The following TOMM20 variants were observed in gnomAD, a reference collection of about 807,000 sequenced individuals.
TOMM20 encodes translocase of outer mitochondrial membrane 20, also known as mitochondrial import receptor subunit TOM20 homolog.
In TOMM20, 10 loss-of-function variants were observed where a neutral mutation model predicts 22.1. The ratio of observed to expected loss-of-function variants is 0.45; its 90% CI spans 0.28 to 0.77. The LOEUF (loss-of-function observed/expected upper bound fraction) is 0.77. Among genes scored for constraint, TOMM20 ranks in the 30% least tolerant of loss-of-function variants. The probability of loss-of-function intolerance (pLI) is 0.13; values close to 1 mark genes in which losing one functional copy is unlikely to be tolerated. For missense variants in TOMM20, 121 were observed against 172.2 expected (o/e 0.70, Z 1.66); for synonymous variants, 55 against 61.4 (o/e 0.90, Z 0.49).
chr1:235,112,135 A>C (rs781452569), intron 4 of TOMM20, 27 bp from the exon 5 acceptor site: 1 of 1,554,630 alleles, frequency 6.4e-7, no homozygotes, highest in South Asian at 1.2e-5. Flanking sequence ...ATAATTTTTT[A>C]AAGTGTCATA....
intron 3 of TOMM20, among the ~76,000 whole-genome samples, chr1:235,117,486 A>C (rs905480726): frequency 4.6e-5 from 7 of 152,150 alleles, no homozygotes; most frequent in African/African-American, 1.4e-4. Flanking sequence ...AAAAAAAAAA[A>C]AAAAGGAGAA....
chr1:235,116,900 C>A (rs944608714), intron 3 of TOMM20, among the ~76,000 whole-genome samples: 1 of 151,984 alleles, frequency 6.6e-6, no homozygotes, highest in Admixed American at 6.6e-5. Context: ...CTTTGGGAGG[C>A]CAAGGCGGGC....
intron 4 of TOMM20, 114 bp from the exon 5 acceptor site, chr1:235,112,222 C>T: frequency 1.2e-6 from 1 of 817,352 alleles, no homozygotes; most frequent in South Asian, 1.8e-5. Flanking sequence ...AAAGTTCACC[C>T]ATTCTGACAT....
intron 1 of TOMM20, 50 bp from the exon 2 acceptor site, chr1:235,122,422 A>T (rs764377289): frequency 1.3e-6 from 2 of 1,535,392 alleles, no homozygotes; most frequent in African/African-American, 2.8e-5. Flanking sequence ...TAAAAATGGG[A>T]ATCAAAAGAA....
chr1:235,117,415 A>ACCACTGCACTCCAC (rs1299053041), intron 3 of TOMM20, among the ~76,000 whole-genome samples: 1 of 150,154 alleles, frequency 6.7e-6, no homozygotes, highest in Non-Finnish European at 1.5e-5. Flanking sequence ...CCGAGATCAC[A>ACCACTGCACTCCAC]CCACTGCACT....
intron 1 of TOMM20, among the ~76,000 whole-genome samples, chr1:235,123,718 A>G (rs2102812585): frequency 6.6e-6 from 1 of 152,374 alleles, no homozygotes; most frequent in South Asian, 2.1e-4. Flanking sequence ...TAATTTTTCT[A>G]AGTACCTTAC....
intron 1 of TOMM20, among the ~76,000 whole-genome samples, chr1:235,127,202 C>CATTT (rs1364463491): frequency 1.3e-5 from 2 of 152,154 alleles, no homozygotes; most frequent in Non-Finnish European, 2.9e-5. Context: ...TGACCACCAG[C>CATTT]ATTTATGGAG....
At chr1:235,116,945 C>A (rs866494960) in intron 3 of TOMM20, among the ~76,000 whole-genome samples, 1 of 151,124 alleles carries the variant, frequency 6.6e-6, no homozygotes, top group African/African-American at 2.4e-5. Context: ...ACCATCCTGG[C>A]TAACATGGTG....
intron 3 of TOMM20, among the ~76,000 whole-genome samples, chr1:235,117,799 G>A (rs1660860063): frequency 6.6e-6 from 1 of 152,168 alleles, no homozygotes; most frequent in Admixed American, 6.5e-5. Flanking sequence ...TTAACCTCTT[G>A]ACCATCAGCA....
intron 4 of TOMM20, among the ~76,000 whole-genome samples, chr1:235,112,937 T>G (rs1013756600): frequency 3.3e-5 from 5 of 152,228 alleles, no homozygotes; most frequent in African/African-American, 1.2e-4. Flanking sequence ...GTTGTCCAAC[T>G]TGTTCCCTCA....
intron 1 of TOMM20, among the ~76,000 whole-genome samples, chr1:235,123,351 GGCGGGCGCCTGTAGTCCCA>G (rs1457917007): frequency 6.6e-6 from 1 of 152,150 alleles, no homozygotes. Context: ...CGGGCATGGT[GGCGGGCGCCTGTAGTCCCA>G]GCTACTCAGG....
chr1:235,117,410 A>C (rs927529223), intron 3 of TOMM20, among the ~76,000 whole-genome samples: 6 of 151,020 alleles, frequency 4.0e-5, no homozygotes, highest in Non-Finnish European at 8.9e-5. Context: ...GTGAGCCGAG[A>C]TCACACCACT....
intron 3 of TOMM20, among the ~76,000 whole-genome samples, chr1:235,114,673 A>G (rs753523197): frequency 6.6e-6 from 1 of 151,970 alleles, no homozygotes; most frequent in Non-Finnish European, 1.5e-5. Flanking sequence ...TCCTGACCAC[A>G]TGATCCGCCC....
In TOMM20 at chr1:235,128,697, C is replaced by A; in HGVS notation, c.19G>T (p.Ala7Ser). MVGRNSAIAAGVCGALF... is the reference protein window; with the variant it reads MVGRNSSIAAGVCGALF... ...GCCCCGCATACACCGGCGGCGATGG[C>A]GCTGTTCCGACCCACCATCTTCTCT... The change falls in exon 1 of 5, where the codon GCC (alanine) becomes TCC (serine). Residue 7 changes from alanine (A) to serine (S), a missense_variant. Physicochemically the swap from Ala to Ser is moderately conservative, Grantham distance 99. Coordinates refer to ENST00000366607, the MANE Select transcript of TOMM20 (RefSeq NM_014765.3). 1 of 1,614,038 alleles carries A rather than the reference C, an allele frequency of 6.2e-7. No homozygotes were observed. The highest frequency in any genetic ancestry group is 8.5e-7 in the Non-Finnish European group (1 of 1,179,918).
intron 1 of TOMM20, among the ~76,000 whole-genome samples, chr1:235,124,646 C>T (rs1322172029): frequency 2.0e-5 from 3 of 152,208 alleles, no homozygotes; most frequent in African/African-American, 7.2e-5. Flanking sequence ...GATAATGAAA[C>T]CCAGGAAAGT....
In TOMM20 at chr1:235,128,819, G is replaced by T; in HGVS notation, c.-104C>A. ...GGCGCAGCTCACACCCGACGGCCGC[G>T]GGCCAGGAACACAGAAAGGCCGAGC... On this transcript the variant is annotated 5_prime_UTR_variant, in exon 1 of 5. Coordinates refer to ENST00000366607, the MANE Select transcript of TOMM20 (RefSeq NM_014765.3). 1.3e-6 allele frequency: 2 copies of T among 1,551,822 alleles called. No homozygotes were observed. Among genetic ancestry groups the T allele is most frequent in the East Asian group, 2.3e-5 (1 of 44,118 alleles).
intron 2 of TOMM20, among the ~76,000 whole-genome samples, chr1:235,121,303 T>C (rs1660928047): frequency 6.6e-6 from 1 of 152,162 alleles, no homozygotes; most frequent in Admixed American, 6.5e-5. Flanking sequence ...AGTGAAACAA[T>C]TTAAATTTCT....
intron 3 of TOMM20, 104 bp from the exon 4 acceptor site, chr1:235,114,014 C>CAAACACTAAGTAAAACACT: frequency 1.6e-6 from 2 of 1,274,788 alleles, no homozygotes; most frequent in Non-Finnish European, 2.1e-6. Flanking sequence ...AAACACTAAG[C>CAAACACTAAGTAAAACACT]AAGTAAAATA....
chr1:235,128,837 G>A lies in TOMM20; in HGVS notation c.-122C>T, dbSNP rs577142254. 132 of 1,492,020 alleles carry A rather than the reference G, an allele frequency of 8.8e-5. No individual in the cohort carries two copies. The highest frequency in any genetic ancestry group is 1.4e-4 in the African/African-American group (10 of 71,720). The allele number at this position is 1,492,020 out of a possible 1,614,324, so 92.4% of individuals were successfully genotyped here. A position where few individuals can be genotyped will look rare whatever the true frequency, so the allele number is the denominator to read the frequency against. On this transcript the variant is annotated 5_prime_UTR_variant, in exon 1 of 5. Transcript: ENST00000366607. ...CGGCCGCGGGCCAGGAACACAGAAA[G>A]GCCGAGCACACGCCACTTCCGGTCC...
Sources: gnomAD v4.1 joint callset for allele counts (sites outside exome capture counted in the v4.1 genomes callset) on GRCh38, gnomAD v4.1.1 for gene constraint, MANE v1.5 for transcripts, NCBI Gene and HGNC (gene_info 2026-07-23, HGNC 2026-07-21) for gene names.